Variants in SRPK2 observed in about 807,000 individuals in gnomAD.
The protein encoded by SRPK2 is SFRS protein kinase 2.
A neutral mutation model predicts 90.8 loss-of-function variants in SRPK2; 21 were observed. The observed-to-expected ratio is 0.23, with a 90% CI of 0.16 to 0.33. The LOEUF (loss-of-function observed/expected upper bound fraction) is 0.33. SRPK2 is among the 10% of genes least tolerant of loss of function. SRPK2 has a pLI of 1.00. For synonymous variants in SRPK2, 288 were observed against 311.1 expected (o/e 0.93, Z 0.78); for missense variants, 620 against 869.0 (o/e 0.71, Z 3.60).
intron 3 of SRPK2, among the ~76,000 whole-genome samples, chr7:105,187,145 A>G (rs1461282945): frequency 6.6e-6 from 1 of 152,240 alleles, no homozygotes; most frequent in Non-Finnish European, 1.5e-5. Flanking sequence ...TTATACAACA[A>G]TAATCACAAC....
intron 2 of SRPK2, among the ~76,000 whole-genome samples, chr7:105,240,589 G>A (rs748321723): frequency 4.6e-5 from 7 of 150,552 alleles, no homozygotes; most frequent in African/African-American, 7.3e-5. Context: ...AGGAGGAGAA[G>A]AAAAGGAAAA....
chr7:105,142,687 A>G (rs746069714), intron 10 of SRPK2, among the ~76,000 whole-genome samples, 197 bp from the exon 11 acceptor site: 2 of 152,158 alleles, frequency 1.3e-5, no homozygotes, highest in Non-Finnish European at 2.9e-5. Flanking sequence ...GCCTGCTCTT[A>G]TAAGAAAAAG....
chr7:105,157,280 G>A (rs2129580844), intron 7 of SRPK2, among the ~76,000 whole-genome samples: 1 of 152,314 alleles, frequency 6.6e-6, no homozygotes, highest in East Asian at 1.9e-4. Flanking sequence ...CTGGAACATG[G>A]TCGGTTATCC....
At chr7:105,233,052 G>A (rs146074939) in intron 2 of SRPK2, among the ~76,000 whole-genome samples, 1 of 147,338 alleles carries the variant, frequency 6.8e-6, no homozygotes, top group East Asian at 2.0e-4. Context: ...GAGAGGGAGA[G>A]AGGGAGGGAG....
At chr7:105,218,603 GA>G (rs1797738694) in intron 2 of SRPK2, among the ~76,000 whole-genome samples, 1 of 152,220 alleles carries the variant, frequency 6.6e-6, no homozygotes, top group Admixed American at 6.5e-5. Context: ...AAGGTTTAAT[GA>G]AAAGGACCTC....
rs147384174 is a variant in SRPK2, at chr7:105,373,785, G to C, written c.71+14863C>G. ...CCTGCAGTAAGCTGACCTTACTGTCGTAAGTGCTTTAAATGTCTCCTTGAA... is the reference window on the plus strand; with the variant it reads ...CCTGCAGTAAGCTGACCTTACTGTCCTAAGTGCTTTAAATGTCTCCTTGAA... On this transcript the variant is annotated intron_variant, in intron 2 of 15. Coordinates refer to ENST00000393651, the MANE Select transcript of SRPK2 (RefSeq NM_182692.3). Among the ~76,000 whole-genome samples the C allele has an allele frequency of 5.0e-4, 76 of 152,114 alleles. No individual in the cohort carries two copies. The East Asian group carries it at 0.012, about 24-fold the overall frequency.
chr7:105,398,654 A>G (rs964351038), intron 1 of SRPK2, among the ~76,000 whole-genome samples: 4 of 152,138 alleles, frequency 2.6e-5, no homozygotes, highest in African/African-American at 9.7e-5. Context: ...TAAATTCTTT[A>G]AAGTTTATTT....
intron 2 of SRPK2, among the ~76,000 whole-genome samples, chr7:105,232,189 G>A (rs1405119861): frequency 1.3e-5 from 2 of 152,094 alleles, no homozygotes; most frequent in African/African-American, 4.8e-5. Flanking sequence ...TTTGCAGGCC[G>A]GGCGCGGTGG....
chr7:105,136,773 C>G (rs1802872081), intron 11 of SRPK2, among the ~76,000 whole-genome samples: 2 of 152,176 alleles, frequency 1.3e-5, no homozygotes, highest in South Asian at 4.1e-4. Context: ...AGGAGGTTCA[C>G]TATGAGGCCC....
intron 2 of SRPK2, among the ~76,000 whole-genome samples, chr7:105,349,318 T>C (rs1585827952): frequency 1.3e-5 from 2 of 150,174 alleles, no homozygotes; most frequent in Non-Finnish European, 3.0e-5. Context: ...AGGTTGGGAG[T>C]TCAAGACCAG....
chr7:105,372,136 T>TAAAAA (rs55928342), intron 2 of SRPK2, among the ~76,000 whole-genome samples: 3 of 76,776 alleles, frequency 3.9e-5, no homozygotes, highest in Non-Finnish European at 7.1e-5. Context: ...CTCCAACTCA[T>TAAAAA]AAAAAAAAAA....
chr7:105,126,104 C>A (rs572990419), intron 15 of SRPK2, 144 bp downstream of exon 15: 2 of 756,512 alleles, frequency 2.6e-6, no homozygotes, highest in African/African-American at 1.7e-5. Context: ...TCTTCCCTGA[C>A]AATTTTTCTA....
intron 2 of SRPK2, among the ~76,000 whole-genome samples, chr7:105,280,667 G>C (rs999443151): frequency 3.5e-5 from 5 of 141,418 alleles, no homozygotes; most frequent in African/African-American, 8.3e-5. Context: ...GGGGGGGGGG[G>C]CCGGGCACAG....
chr7:105,385,879 T>C (rs1360279419), intron 2 of SRPK2, among the ~76,000 whole-genome samples: 2 of 152,200 alleles, frequency 1.3e-5, no homozygotes, highest in South Asian at 4.1e-4. Flanking sequence ...TGTTCAAATG[T>C]CATCTATTAT....
At chr7:105,369,608 A>G (rs1354248035) in intron 2 of SRPK2, among the ~76,000 whole-genome samples, 1 of 152,216 alleles carries the variant, frequency 6.6e-6, no homozygotes, top group Admixed American at 6.5e-5. Flanking sequence ...ATTTTACATT[A>G]ATTCTGCAAT....
At chr7:105,363,444 CCAT>C (rs1242446790) in intron 2 of SRPK2, among the ~76,000 whole-genome samples, 2 of 152,092 alleles carry the variant, frequency 1.3e-5, no homozygotes, top group African/African-American at 4.8e-5. Flanking sequence ...TCATCACTGG[CCAT>C]CAGAGAAATG....
chr7:105,195,540 C>T (rs1200420288), intron 3 of SRPK2, among the ~76,000 whole-genome samples: 1 of 152,182 alleles, frequency 6.6e-6, no homozygotes, highest in Non-Finnish European at 1.5e-5. Flanking sequence ...TAAACCTAAT[C>T]TTCTACCATC....
chr7:105,379,371 T>C (rs903517540), intron 2 of SRPK2, among the ~76,000 whole-genome samples: 4 of 152,118 alleles, frequency 2.6e-5, no homozygotes, highest in African/African-American at 9.7e-5. Flanking sequence ...TACAGGAGGA[T>C]GTGTGAAGGT....
At chr7:105,154,514 C>T (rs942308564) in intron 7 of SRPK2, among the ~76,000 whole-genome samples, 1 of 152,068 alleles carries the variant, frequency 6.6e-6, no homozygotes, top group Non-Finnish European at 1.5e-5. Flanking sequence ...TGTAGAGAGA[C>T]AAAATCAGCC....
Sources: gnomAD v4.1 joint callset for allele counts (sites outside exome capture counted in the v4.1 genomes callset) on GRCh38, gnomAD v4.1.1 for gene constraint, MANE v1.5 for transcripts, NCBI Gene and HGNC (gene_info 2026-07-23, HGNC 2026-07-21) for gene names.